The following UGT1A10 variants were observed in gnomAD, a reference collection of about 807,000 sequenced individuals.
The protein encoded by UGT1A10 is UDP glucuronosyltransferase family 1 member A10, also known as UDP-glucuronosyltransferase 1A10.
A neutral mutation model predicts 45.8 loss-of-function variants in UGT1A10; 49 were observed. The ratio of observed to expected loss-of-function variants is 1.07; its 90% CI spans 0.85 to 1.36. UGT1A10 has a LOEUF of 1.36. Among genes scored for constraint, UGT1A10 ranks in the 40% most tolerant of loss-of-function variants. The pLI is 0.00. For missense variants in UGT1A10, 745 were observed against 668.6 expected (o/e 1.11, Z -1.26); for synonymous variants, 284 against 249.7 (o/e 1.14, Z -1.29).
intron 1 of UGT1A10, among the ~76,000 whole-genome samples, chr2:233,764,775 GA>G (rs1268647716): frequency 6.6e-6 from 1 of 152,162 alleles, no homozygotes. Context: ...AAGGAGTTCA[GA>G]AAAACCATCC....
chr2:233,693,461 T>C (rs557551651), intron 1 of UGT1A10: 33 of 1,614,158 alleles, frequency 2.0e-5, no homozygotes, highest in South Asian at 7.7e-5. Context: ...AGACCCAGCC[T>C]TACCCTGTGG....
At chr2:233,729,782 C>T (rs764191993) in intron 1 of UGT1A10, 4 of 1,613,938 alleles carry the variant, frequency 2.5e-6, no homozygotes, top group Non-Finnish European at 2.5e-6. Flanking sequence ...TACCCTCTGG[C>T]CCTGTCCTAC....
At chr2:233,732,129 GTTGTTTGT>G (rs201829156) in intron 1 of UGT1A10, among the ~76,000 whole-genome samples, 3 of 151,474 alleles carry the variant, frequency 2.0e-5, no homozygotes, top group African/African-American at 4.9e-5. Context: ...TTTTGATGAG[GTTGTTTGT>G]TTGTTTTTTT....
At chr2:233,765,776 G>T (rs1408785034) in intron 1 of UGT1A10, among the ~76,000 whole-genome samples, 1 of 151,906 alleles carries the variant, frequency 6.6e-6, no homozygotes, top group South Asian at 2.1e-4. Flanking sequence ...GGGATTCATT[G>T]GACCACTGAA....
In UGT1A10 at chr2:233,725,175, T is replaced by TG. The variant is rs1374547834; in HGVS notation, c.856-41855dup. On this transcript the variant is annotated intron_variant, in intron 1 of 4. Transcript: ENST00000344644. ...TCGGCTCTGCATGAGAGGGAGACCG[T>TG]GGGGAGAGGCAGAGGCAGAGGCAGA... Among the ~76,000 whole-genome samples the TG allele has an allele frequency of 1.3e-4, 11 of 81,994 alleles. 2 individuals are homozygous for TG. In the East Asian group the frequency reaches 2.4e-3, roughly 18 times the overall value. 53.8% of individuals were successfully genotyped at this position (81,994 alleles called of 152,430 possible). A position where few individuals can be genotyped will look rare whatever the true frequency, so the allele number is the denominator to read the frequency against.
intron 1 of UGT1A10, among the ~76,000 whole-genome samples, chr2:233,709,664 G>A (rs775145297): frequency 1.3e-5 from 2 of 152,116 alleles, no homozygotes; most frequent in African/African-American, 2.4e-5. Context: ...TTGTATAGTA[G>A]GTTTTGGTCT....
chr2:233,672,025 G>T, intron 1 of UGT1A10: 3 of 1,614,188 alleles, frequency 1.9e-6, no homozygotes, highest in South Asian at 1.1e-5. Flanking sequence ...GCTACTGGTA[G>T]TGCCCATGGA....
At chr2:233,767,515 T>G (rs1699410322) in intron 2 of UGT1A10, among the ~76,000 whole-genome samples, 1 of 152,264 alleles carries the variant, frequency 6.6e-6, no homozygotes, top group Admixed American at 6.5e-5. Flanking sequence ...GTTAGAACAC[T>G]GAATTTATGT....
intron 1 of UGT1A10, chr2:233,648,897 T>G: frequency 1.5e-6 from 2 of 1,328,008 alleles, no homozygotes; most frequent in Non-Finnish European, 2.1e-6. Context: ...TCATGGCATA[T>G]GATCTCTACA....
intron 1 of UGT1A10, among the ~76,000 whole-genome samples, chr2:233,749,626 A>G (rs377692778): frequency 5.9e-5 from 9 of 151,982 alleles, no homozygotes; most frequent in South Asian, 4.2e-4. Context: ...TTGGCTCTGT[A>G]TCCCCCACCA....
intron 1 of UGT1A10, among the ~76,000 whole-genome samples, chr2:233,752,134 G>C (rs1265707864): frequency 6.6e-6 from 1 of 152,180 alleles, no homozygotes; most frequent in Non-Finnish European, 1.5e-5. Context: ...GGACAGAAAG[G>C]ATCATTCCCT....
At chr2:233,639,609 T>C (rs1235635471) in intron 1 of UGT1A10, among the ~76,000 whole-genome samples, 4 of 148,682 alleles carry the variant, frequency 2.7e-5, no homozygotes, top group Admixed American at 6.6e-5. Flanking sequence ...TATGTGTTTG[T>C]GTATGTGCAG....
At chr2:233,671,525 A>G (rs1486752107) in intron 1 of UGT1A10, among the ~76,000 whole-genome samples, 1 of 152,186 alleles carries the variant, frequency 6.6e-6, no homozygotes, top group African/African-American at 2.4e-5. Flanking sequence ...GACAGAGAGT[A>G]TTTGGTTGCC....
At chr2:233,763,011 T>G (rs1346748254) in intron 1 of UGT1A10, among the ~76,000 whole-genome samples, 2 of 152,248 alleles carry the variant, frequency 1.3e-5, no homozygotes, top group Non-Finnish European at 2.9e-5. Flanking sequence ...TTTCATTATT[T>G]TGCATTATGT....
At chr2:233,692,827 A>T (rs2075116460) in intron 1 of UGT1A10, 1 of 1,441,400 alleles carries the variant, frequency 6.9e-7, no homozygotes, top group Non-Finnish European at 9.1e-7. Flanking sequence ...TAACCATGTG[A>T]TTAAAATGGT....
Position 233,772,576 on chromosome 2 carries a change from A to G in UGT1A10, c.*17A>G. The stretch of plus-strand genomic sequence containing the variant: ...ACCCATTGAGAAGTGGGTGGGAAAT[A>G]AGGTAAAATTTTGAACCATTCCCTA... On this transcript the variant is annotated 3_prime_UTR_variant, in exon 5 of 5. Transcript: ENST00000344644. 6.2e-7 allele frequency: 1 copy of G among 1,610,732 alleles called. No homozygotes were observed. Among genetic ancestry groups the G allele is most frequent in the Non-Finnish European group, 8.5e-7 (1 of 1,178,228 alleles).
At chr2:233,707,391 T>C (rs1441137641) in intron 1 of UGT1A10, among the ~76,000 whole-genome samples, 1 of 152,078 alleles carries the variant, frequency 6.6e-6, no homozygotes, top group African/African-American at 2.4e-5. Flanking sequence ...CATGAGCTAT[T>C]CTTTTTGATG....
chr2:233,699,226 C>T (rs367936374), intron 1 of UGT1A10, among the ~76,000 whole-genome samples: 5 of 152,180 alleles, frequency 3.3e-5, no homozygotes, highest in South Asian at 2.1e-4. Flanking sequence ...AAAACAAAAA[C>T]GAACTTTTGT....
intron 1 of UGT1A10, among the ~76,000 whole-genome samples, chr2:233,716,226 A>G (rs1309299393): frequency 1.3e-5 from 2 of 152,106 alleles, no homozygotes; most frequent in African/African-American, 4.8e-5. Context: ...AGCCCTTGTG[A>G]TTACATTGTC....
Sources: gnomAD v4.1 joint callset for allele counts (sites outside exome capture counted in the v4.1 genomes callset) on GRCh38, gnomAD v4.1.1 for gene constraint, MANE v1.5 for transcripts, NCBI Gene and HGNC (gene_info 2026-07-23, HGNC 2026-07-21) for gene names.